The following ZC4H2 variants were observed in gnomAD, a reference collection of about 807,000 sequenced individuals.
ZC4H2 encodes the protein zinc finger C4H2-type containing, also known as zinc finger C4H2 domain-containing protein.
For synonymous variants in ZC4H2, 84 were observed against 66.3 expected, an observed-to-expected ratio of 1.27 and a Z score of -1.30; for missense variants, 137 against 173.9, an observed-to-expected ratio of 0.79 and a Z score of 1.19.
intron 1 of ZC4H2, among the ~76,000 whole-genome samples, chrX:64,928,757 TTTC>T (rs756825778): frequency 6.2e-4 from 62 of 100,386 alleles, no homozygotes; most frequent in Middle Eastern, 4.9e-3. Flanking sequence ...TTCTTCTTCT[TTTC>T]TTCTTCTTTT....
chrX:64,969,668 C>T (rs1243149188), intron 1 of ZC4H2, among the ~76,000 whole-genome samples: 1 of 111,894 alleles, frequency 8.9e-6, no homozygotes, highest in Non-Finnish European at 1.9e-5. Flanking sequence ...CACTCCATAT[C>T]TACTGAATCA....
chrX:64,939,037 C>A (rs1296954345), intron 1 of ZC4H2, among the ~76,000 whole-genome samples: 2 of 111,965 alleles, frequency 1.8e-5, no homozygotes, highest in African/African-American at 6.5e-5. Context: ...ATTTAGAAAA[C>A]CTCATTGTCT....
chrX:64,953,815 T>A (rs1352637051), intron 1 of ZC4H2, among the ~76,000 whole-genome samples: 1 of 111,549 alleles, frequency 9.0e-6, no homozygotes, highest in Admixed American at 9.6e-5. Context: ...ATCCCCTTAC[T>A]GGGTATATAC....
Position 64,976,310 on chromosome X carries a change from C to T in ZC4H2, c.53+15G>A. 2.5e-6 allele frequency: 3 copies of T among 1,208,200 alleles called. No individual in the cohort carries two copies. The highest frequency in any genetic ancestry group is 2.2e-6 in the Non-Finnish European group (2 of 893,752). On this transcript the variant is annotated intron_variant, in intron 1 of 4. Coordinates refer to ENST00000374839, the MANE Select transcript of ZC4H2 (RefSeq NM_018684.4). ...GGTTGGAGAGGGGCGGGGAGGGGGA[C>T]AACGTGCCACTTACCTGATCTCTTT...
At chrX:64,923,013 G>T (rs1414228272) in intron 1 of ZC4H2, among the ~76,000 whole-genome samples, 1 of 111,468 alleles carries the variant, frequency 9.0e-6, no homozygotes, top group Non-Finnish European at 1.9e-5. Context: ...ATTGTATACC[G>T]TGTGGCTCAG....
intron 1 of ZC4H2, among the ~76,000 whole-genome samples, chrX:64,936,690 G>C (rs1190694125): frequency 9.0e-6 from 1 of 110,988 alleles, no homozygotes; most frequent in Non-Finnish European, 1.9e-5. Flanking sequence ...ATAAGTGAAG[G>C]AGAAAAAAAA....
chrX:64,976,438 A>G lies in ZC4H2; in HGVS notation c.-61T>C, dbSNP rs1462322087. On this transcript the variant is annotated 5_prime_UTR_variant, in exon 1 of 5. Transcript: ENST00000374839. ...ACAAATACACCAGCCAAGGGATACAATAGACACAATGTAGCCACCTCCTCC... is the reference window on the plus strand; with the variant it reads ...ACAAATACACCAGCCAAGGGATACAGTAGACACAATGTAGCCACCTCCTCC... 2 of 1,130,317 alleles carry G rather than the reference A, an allele frequency of 1.8e-6. No homozygotes were observed. The highest frequency in any genetic ancestry group is 2.4e-6 in the Non-Finnish European group (2 of 821,924). The allele number at this position is 1,130,317 out of a possible 1,213,427, so 93.2% of individuals were successfully genotyped here. A position where few individuals can be genotyped will look rare whatever the true frequency, so the allele number is the denominator to read the frequency against.
chrX:64,973,471 C>T (rs979882870), intron 1 of ZC4H2, among the ~76,000 whole-genome samples: 2 of 109,768 alleles, frequency 1.8e-5, no homozygotes, highest in Non-Finnish European at 3.8e-5. Context: ...ATCCCCTTTA[C>T]ATTCCCCAGT....
At chrX:64,988,055 G>C (rs1331091557) in intron 1 of ZC4H2, among the ~76,000 whole-genome samples, 1 of 109,066 alleles carries the variant, frequency 9.2e-6, no homozygotes, top group Non-Finnish European at 1.9e-5. Flanking sequence ...CCCTACAAAG[G>C]ACATGAACTC....
intron 1 of ZC4H2, among the ~76,000 whole-genome samples, chrX:64,931,311 C>T (rs1929731179): frequency 9.0e-6 from 1 of 111,610 alleles, no homozygotes; most frequent in African/African-American, 3.2e-5. Flanking sequence ...CTTTTTGTTT[C>T]ATTTATCTTT....
chrX:64,943,446 T>G (rs1023937105), intron 1 of ZC4H2, among the ~76,000 whole-genome samples: 1 of 111,669 alleles, frequency 9.0e-6, no homozygotes, highest in East Asian at 2.8e-4. Flanking sequence ...AAATTTCCCA[T>G]GATTATTGTG....
chrX:64,963,553 A>G (rs948674705), intron 1 of ZC4H2, among the ~76,000 whole-genome samples: 1 of 106,936 alleles, frequency 9.4e-6, no homozygotes, highest in Non-Finnish European at 1.9e-5. Context: ...ATTAATTTGT[A>G]TAAAATATAA....
At chrX:65,014,868 A>G (rs1932787153) in intron 1 of ZC4H2, among the ~76,000 whole-genome samples, 2 of 111,894 alleles carry the variant, frequency 1.8e-5, no homozygotes, top group African/African-American at 6.5e-5. Flanking sequence ...AATCACCTAC[A>G]ATTTCATATA....
chrX:64,920,968 A>G (rs1207931881), intron 2 of ZC4H2, among the ~76,000 whole-genome samples: 1 of 112,164 alleles, frequency 8.9e-6, no homozygotes, highest in Non-Finnish European at 1.9e-5. Flanking sequence ...CTGGCCCTGT[A>G]TCATTGGTTA....
chrX:64,946,209 C>T (rs767832768), intron 1 of ZC4H2, among the ~76,000 whole-genome samples: 25 of 111,802 alleles, frequency 2.2e-4, no homozygotes, highest in African/African-American at 8.1e-4. Flanking sequence ...AACAGCCACC[C>T]AGTTTTGTGC....
chrX:64,982,802 G>A (rs929274614), intron 1 of ZC4H2, among the ~76,000 whole-genome samples: 2 of 111,866 alleles, frequency 1.8e-5, no homozygotes, highest in Non-Finnish European at 3.8e-5. Flanking sequence ...AGATTCAACT[G>A]TATAAAAATG....
Position 64,976,379 on chromosome X carries a change from C to G in ZC4H2, c.-2G>C, listed in dbSNP as rs1171581871. 1 of 1,209,571 alleles carries G rather than the reference C, an allele frequency of 8.3e-7. No homozygotes were observed. Among genetic ancestry groups the G allele is most frequent in the African/African-American group, 1.7e-5 (1 of 57,203 alleles). On this transcript the variant is annotated 5_prime_UTR_variant, in exon 1 of 5. Coordinates refer to ENST00000374839, the MANE Select transcript of ZC4H2 (RefSeq NM_018684.4). ...CATGATTTCTTGCTCATCTGCCATA[C>G]TTTTCACTGTCAATTTCACGTCCCG...
At chrX:65,030,599 G>A (rs1465860010) in intron 1 of ZC4H2, among the ~76,000 whole-genome samples, 2 of 111,703 alleles carry the variant, frequency 1.8e-5, no homozygotes, top group African/African-American at 3.3e-5. Flanking sequence ...TGGGGCTGGA[G>A]CACTGTCTAA....
chrX:64,923,349 G>A (rs371818127), intron 1 of ZC4H2, among the ~76,000 whole-genome samples: 5 of 111,351 alleles, frequency 4.5e-5, no homozygotes, highest in African/African-American at 1.6e-4. Context: ...AAGGCATGTT[G>A]TTGTCTTCCC....
Sources: allele counts gnomAD v4.1 joint callset (sites outside exome capture counted in the v4.1 genomes callset), GRCh38; gene constraint gnomAD v4.1.1; transcripts MANE v1.5; gene names NCBI Gene and HGNC (gene_info 2026-07-23, HGNC 2026-07-21).